Variants in ZNF641 observed in about 807,000 individuals in gnomAD.
ZNF641 encodes the protein zinc finger protein 641.
A neutral mutation model predicts 46.2 loss-of-function variants in ZNF641; 26 were observed. The ratio of observed to expected loss-of-function variants is 0.56; its 90% CI spans 0.41 to 0.78. The LOEUF (loss-of-function observed/expected upper bound fraction) is 0.78. Among genes scored for constraint, ZNF641 ranks in the 30% least tolerant of loss-of-function variants. The pLI is 0.00. For synonymous variants in ZNF641, 163 were observed against 187.9 expected, an observed-to-expected ratio of 0.87 and a Z score of 1.09; for missense variants, 469 against 517.8, an observed-to-expected ratio of 0.91 and a Z score of 0.91.
chr12:48,340,226 C>T lies in ZNF641; in HGVS notation c.*2747G>A. On this transcript the variant is annotated 3_prime_UTR_variant, in exon 6 of 6. Coordinates refer to ENST00000547026, the MANE Select transcript of ZNF641 (RefSeq NM_001172681.2). ...CCAGAAATAACCCAAAGGATTGCCC[C>T]TTCTGTAGAAGGCCCTTAGACTCCA... 5 of 985,424 alleles carry T rather than the reference C, an allele frequency of 5.1e-6. No homozygotes were observed. The highest frequency in any genetic ancestry group is 6.0e-6 in the Non-Finnish European group (5 of 829,926). The allele number at this position is 985,424 out of a possible 1,614,324, so 61.0% of individuals were successfully genotyped here. A position where few individuals can be genotyped will look rare whatever the true frequency, so the allele number is the denominator to read the frequency against.
Position 48,339,395 on chromosome 12 carries a change from A to AAC in ZNF641, c.*3577_*3578insGT, listed in dbSNP as rs1952669884. 1 of 152,138 alleles carries AAC rather than the reference A, an allele frequency of 6.6e-6. No individual in the cohort carries two copies. Among genetic ancestry groups the AAC allele is most frequent in the African/African-American group, 2.4e-5 (1 of 41,432 alleles). The allele number at this position is 152,138 out of a possible 1,614,324, so 9.4% of individuals were successfully genotyped here. Reference sequence around the variant, plus strand: ...AGACTGAACGTTGAGCTCCTTCCCGAGTTTCTGATTCAGTAGTTCTCCTGG... The same window carrying AAC: ...AGACTGAACGTTGAGCTCCTTCCCGAACGTTTCTGATTCAGTAGTTCTCCTGG... On this transcript the variant is annotated 3_prime_UTR_variant, in exon 6 of 6. Coordinates refer to ENST00000547026, the MANE Select transcript of ZNF641 (RefSeq NM_001172681.2).
chr12:48,343,847 G>A (rs1952789243), intron 5 of ZNF641, 120 bp from the exon 6 acceptor site: 1 of 932,034 alleles, frequency 1.1e-6, no homozygotes, highest in Non-Finnish European at 1.5e-6. Flanking sequence ...CAGAAGGGCT[G>A]AGAGAACATA....
chr12:48,347,164 G>T, intron 3 of ZNF641, 88 bp downstream of exon 3: 1 of 1,604,584 alleles, frequency 6.2e-7, no homozygotes. Flanking sequence ...ATGATCATGT[G>T]AGCCAACTCA....
rs1478054596 is a variant in ZNF641 at position 48,343,203 on chromosome 12, G to T, written c.1045C>A (p.Gln349Lys). Reference protein sequence around the residue: ...VGESPGTRKRQRAPPVPKCHV... With the variant: ...VGESPGTRKRKRAPPVPKCHV... ...CACTTTGGCACTGGTGGGGCACGCT[G>T]CCGTTTCCTTGTGCCAGGGCTCTCT... Residue 349 changes from glutamine (Q) to lysine (K), a missense_variant, in exon 6 of 6, where the codon CAG becomes AAG. Gln to Lys is a moderately conservative substitution (Grantham distance 53). Coordinates refer to ENST00000547026, the MANE Select transcript of ZNF641 (RefSeq NM_001172681.2). 3 of 1,614,182 alleles carry T rather than the reference G, an allele frequency of 1.9e-6. No homozygotes were observed. The South Asian group carries it at 3.3e-5, about 18-fold the overall frequency.
intron 1 of ZNF641, 98 bp from the exon 2 acceptor site, chr12:48,348,213 C>G: frequency 8.2e-7 from 1 of 1,222,904 alleles, no homozygotes; most frequent in South Asian, 1.4e-5. Context: ...ATAGACAAAA[C>G]TAGATAGGAG....
Position 48,341,654 on chromosome 12 carries a change from G to C in ZNF641, c.*1319C>G. 1 of 985,432 alleles carries C rather than the reference G, an allele frequency of 1.0e-6. No individual in the cohort carries two copies. The highest frequency in any genetic ancestry group is 1.1e-4 in the East Asian group (1 of 8,818). The allele number at this position is 985,432 out of a possible 1,614,324, so 61.0% of individuals were successfully genotyped here. A position where few individuals can be genotyped will look rare whatever the true frequency, so the allele number is the denominator to read the frequency against. ...AGTGATGGCAACAACTTGCAAACAC[G>C]TAATTCCTGCCCTAATTTTCCAGCA... On this transcript the variant is annotated 3_prime_UTR_variant, in exon 6 of 6. Transcript: ENST00000547026.
chr12:48,347,956 C>T lies in ZNF641; in HGVS notation c.135G>A (p.Glu45=), dbSNP rs149195453. 11 of 1,614,054 alleles carry T rather than the reference C, an allele frequency of 6.8e-6. No homozygotes were observed. Among genetic ancestry groups the T allele is most frequent in the Non-Finnish European group, 8.5e-6 (10 of 1,180,032 alleles). The change falls in exon 2 of 6, where the codon GAG becomes GAA. Residue 45 remains glutamate (E), a synonymous_variant. Transcript: ENST00000547026. ...RPWRTVPGPL[E]HLCCDLEEEP... is the part of the protein sequence containing the mutation. ...CCTCTTCAAGGTCACAGCACAGGTG[C>T]TCCAGAGGTCCTGGTACTGTTCTCC...
In ZNF641 at chr12:48,343,309, C is replaced by G. The variant is rs1952769313; in HGVS notation, c.939G>C (p.Lys313Asn). The G allele has an allele frequency of 1.9e-6, 3 of 1,614,230 alleles. No homozygotes were observed. The highest frequency in any genetic ancestry group is 2.2e-5 in the East Asian group (1 of 44,876). The change falls in exon 6 of 6, where the codon AAG (lysine) becomes AAC (asparagine). Residue 313 changes from lysine (K) to asparagine (N), a missense_variant. Coordinates refer to ENST00000547026, the MANE Select transcript of ZNF641 (RefSeq NM_001172681.2). ...CCAGATGGGAGTTGCATCGGAAATT[C>G]TTACCACACTCAGAGCACCTGCTGG... ...DKTSRCSECG[K>N]NFRCNSHLAS...
chr12:48,349,815 A>G (rs1287475788), intron 1 of ZNF641, among the ~76,000 whole-genome samples: 1 of 152,116 alleles, frequency 6.6e-6, no homozygotes, highest in African/African-American at 2.4e-5. Context: ...TCTTCGTCCC[A>G]TCTTTCTGGT....
chr12:48,337,980 A>C lies in ZNF641; in HGVS notation c.*4993T>G, dbSNP rs1302059412. 3 of 152,598 alleles carry C rather than the reference A, an allele frequency of 2.0e-5. No individual in the cohort carries two copies. The highest frequency in any genetic ancestry group is 6.5e-5 in the Admixed American group (1 of 15,286). 9.5% of individuals were successfully genotyped at this position (152,598 alleles called of 1,614,324 possible). On this transcript the variant is annotated 3_prime_UTR_variant, in exon 6 of 6. Coordinates refer to ENST00000547026, the MANE Select transcript of ZNF641 (RefSeq NM_001172681.2). ...ATGGAGTAGAGGGGCCAGATTTGGC[A>C]GTACTAGGCAGGGGGTGGAGTAGTG...
downstream of ZNF641, among the ~76,000 whole-genome samples, chr12:48,336,049 A>G (rs998642580): frequency 6.6e-6 from 1 of 152,246 alleles, no homozygotes; most frequent in Admixed American, 6.5e-5. Context: ...AACAGAAACA[A>G]AAATGTCCTT....
chr12:48,336,401 CTT>C (rs1952604752), downstream of ZNF641, among the ~76,000 whole-genome samples: 1 of 152,196 alleles, frequency 6.6e-6, no homozygotes, highest in Non-Finnish European at 1.5e-5. Flanking sequence ...AATAAGGAAA[CTT>C]ATGAGGCCCA....
chr12:48,340,244 A>G lies in ZNF641; in HGVS notation c.*2729T>C. On this transcript the variant is annotated 3_prime_UTR_variant, in exon 6 of 6. Coordinates refer to ENST00000547026, the MANE Select transcript of ZNF641 (RefSeq NM_001172681.2). ...ATTGCCCCTTCTGTAGAAGGCCCTT[A>G]GACTCCATGATGCCTTTCAGCTGGG... 1 of 985,460 alleles carries G rather than the reference A, an allele frequency of 1.0e-6. No homozygotes were observed. Among genetic ancestry groups the G allele is most frequent in the Non-Finnish European group, 1.2e-6 (1 of 829,930 alleles). The allele number at this position is 985,460 out of a possible 1,614,324, so 61.0% of individuals were successfully genotyped here. A position where few individuals can be genotyped will look rare whatever the true frequency, so the allele number is the denominator to read the frequency against.
chr12:48,343,761 A>C, intron 5 of ZNF641, 34 bp from the exon 6 acceptor site: 1 of 1,442,120 alleles, frequency 6.9e-7, no homozygotes, highest in African/African-American at 1.4e-5. Flanking sequence ...CCCCAAGAGA[A>C]GAGTCACAAG....
intron 2 of ZNF641, 27 bp from the exon 3 acceptor site, chr12:48,347,370 G>A (rs769351758): frequency 1.3e-6 from 2 of 1,580,394 alleles, no homozygotes; most frequent in African/African-American, 1.4e-5. Context: ...AGAAACATTA[G>A]AGAATAACGA....
At chr12:48,335,655 A>T (rs999069024), downstream of ZNF641, among the ~76,000 whole-genome samples, 9 of 152,188 alleles carry the variant, frequency 5.9e-5, no homozygotes, top group African/African-American at 2.2e-4. Context: ...ATAAGAAATG[A>T]CCATGTCTCA....
Position 48,340,420 on chromosome 12 carries a change from T to C in ZNF641, c.*2553A>G. On this transcript the variant is annotated 3_prime_UTR_variant, in exon 6 of 6. Transcript: ENST00000547026. ...CCACAAGTCCTTCAAACAAGATTTG[T>C]GAGGAGCTGGATTTGTCAGCATGTC... The C allele has an allele frequency of 1.0e-6, 1 of 985,446 alleles. No individual in the cohort carries two copies. The highest frequency in any genetic ancestry group is 1.2e-6 in the Non-Finnish European group (1 of 829,930). 61.0% of individuals were successfully genotyped at this position (985,446 alleles called of 1,614,324 possible).
Position 48,340,142 on chromosome 12 carries a change from GTTTTA to G in ZNF641, c.*2826_*2830del. The G allele has an allele frequency of 1.0e-6, 1 of 985,420 alleles. No individual in the cohort carries two copies. Among genetic ancestry groups the G allele is most frequent in the Non-Finnish European group, 1.2e-6 (1 of 829,928 alleles). The allele number at this position is 985,420 out of a possible 1,614,324, so 61.0% of individuals were successfully genotyped here. ...TTCACTCATCTGATGGCTGTTGCTT[GTTTTA>G]TTTTTTGTCCAAGAGAGGTGGTGTT... On this transcript the variant is annotated 3_prime_UTR_variant, in exon 6 of 6. Transcript: ENST00000547026.
intron 5 of ZNF641, among the ~76,000 whole-genome samples, chr12:48,344,248 A>G (rs1246926240): frequency 1.3e-5 from 2 of 152,226 alleles, no homozygotes; most frequent in African/African-American, 4.8e-5. Context: ...GGTTGACAAC[A>G]ATATCAACAA....
Sources: gnomAD v4.1 joint callset for allele counts (sites outside exome capture counted in the v4.1 genomes callset) on GRCh38, gnomAD v4.1.1 for gene constraint, MANE v1.5 for transcripts, NCBI Gene and HGNC (gene_info 2026-07-23, HGNC 2026-07-21) for gene names.